Variants in DMD observed in about 807,000 individuals in gnomAD.
The protein encoded by DMD is dystrophin.
Under a neutral mutation model 330.1 loss-of-function variants are expected in DMD, and 63 were observed. That is an observed-to-expected ratio of 0.19 (90% confidence interval 0.16 to 0.24). The LOEUF (loss-of-function observed/expected upper bound fraction) is 0.24, where lower values mean the gene tolerates loss of function less well. Ranked by LOEUF, DMD falls within the 10% of genes least tolerant of loss-of-function variation. The pLI is 1.00. For missense variants in DMD, 3,344 were observed against 2,684.1 expected (o/e 1.25, Z -5.43); for synonymous variants, 1,223 against 959.8 (o/e 1.27, Z -5.07).
chrX:32,820,266 C>T (rs1392507910), intron 5 of DMD, among the ~76,000 whole-genome samples: 1 of 110,796 alleles, frequency 9.0e-6, no homozygotes, highest in Non-Finnish European at 1.9e-5. Context: ...GGTGAAACCC[C>T]ATCTCTACTG....
rs188907488 is a variant in DMD at position 32,090,948 on chromosome X, G to A, written c.6439-122434C>T. Among the ~76,000 whole-genome samples the A allele has an allele frequency of 3.6e-5, 4 of 111,738 alleles. No individual in the cohort carries two copies. In the East Asian group the frequency reaches 1.1e-3, roughly 32 times the overall value. Reference sequence around the variant, plus strand: ...CAGCAACGGATATTGCAAGAGAAAAGCATGCTCTGTCATTTTCCTATGATT... The same window carrying A: ...CAGCAACGGATATTGCAAGAGAAAAACATGCTCTGTCATTTTCCTATGATT... On this transcript the variant is annotated intron_variant, in intron 44 of 78. Coordinates refer to ENST00000357033, the MANE Select transcript of DMD (RefSeq NM_004006.3).
chrX:32,306,378 C>T (rs2097540241), intron 42 of DMD, among the ~76,000 whole-genome samples: 1 of 111,115 alleles, frequency 9.0e-6, no homozygotes, highest in Non-Finnish European at 1.9e-5. Context: ...GGCTTATAAG[C>T]TCACTACCAG....
chrX:33,066,058 T>TA (rs5902050), intron 1 of DMD, among the ~76,000 whole-genome samples: 1 of 98,386 alleles, frequency 1.0e-5, no homozygotes. Flanking sequence ...CCAAAGGATT[T>TA]AAAAAAAAAA....
At chrX:32,612,320 G>A (rs2057240468) in intron 12 of DMD, among the ~76,000 whole-genome samples, 1 of 111,655 alleles carries the variant, frequency 9.0e-6, no homozygotes, top group Admixed American at 9.5e-5. Context: ...GGCTGAAATG[G>A]TTCTGCACCA....
At chrX:33,022,620 G>T (rs773923708) in intron 1 of DMD, among the ~76,000 whole-genome samples, 1 of 110,298 alleles carries the variant, frequency 9.1e-6, no homozygotes, top group South Asian at 3.8e-4. Flanking sequence ...TCATAAGTTT[G>T]TTTTAATTAT....
intron 51 of DMD, among the ~76,000 whole-genome samples, chrX:31,730,862 G>A (rs1480318314): frequency 9.0e-6 from 1 of 111,325 alleles, no homozygotes; most frequent in East Asian, 2.8e-4. Flanking sequence ...AAGATGAAGA[G>A]ATGAAAGTGG....
chrX:31,264,242 T>C (rs1208480485), intron 62 of DMD, among the ~76,000 whole-genome samples: 1 of 111,958 alleles, frequency 8.9e-6, no homozygotes, highest in African/African-American at 3.3e-5. Flanking sequence ...GCAGACGATA[T>C]AGAAAAACAC....
rs912386186 is a variant in DMD at position 32,032,145 on chromosome X, A to G, written c.6439-63631T>C. 4.5e-5 allele frequency among the ~76,000 whole-genome samples: 5 copies of G among 111,700 alleles called. No individual in the cohort carries two copies. The South Asian group carries it at 1.1e-3, about 25-fold the overall frequency. On this transcript the variant is annotated intron_variant, in intron 44 of 78. Transcript: ENST00000357033. ...GACCGAAAGATTTTATACAACTAAA[A>G]TAAAATTAAATTGATTGAAGATATA...
chrX:33,199,414 C>A (rs1340333997), intron 1 of DMD, among the ~76,000 whole-genome samples: 1 of 111,056 alleles, frequency 9.0e-6, no homozygotes, highest in African/African-American at 3.3e-5. Flanking sequence ...GCTTGTGAAA[C>A]TGGGTGAATG....
intron 44 of DMD, among the ~76,000 whole-genome samples, chrX:32,142,420 T>A (rs1023896143): frequency 2.7e-5 from 3 of 112,364 alleles, no homozygotes; most frequent in African/African-American, 9.7e-5. Flanking sequence ...TACTTGCACT[T>A]GCTGAGTCCC....
At chrX:31,679,077 C>T (rs1465800130) in intron 53 of DMD, among the ~76,000 whole-genome samples, 3 of 109,853 alleles carry the variant, frequency 2.7e-5, no homozygotes, top group Admixed American at 9.6e-5. Context: ...ATTAGCCAGG[C>T]GTGGTGGTAC....
chrX:32,697,327 C>CT (rs2063731987), intron 9 of DMD, among the ~76,000 whole-genome samples: 1 of 111,362 alleles, frequency 9.0e-6, no homozygotes, highest in Non-Finnish European at 1.9e-5. Context: ...CTTATAAATA[C>CT]TACAGAGCCT....
chrX:32,263,905 T>G (rs2097333672), intron 43 of DMD, among the ~76,000 whole-genome samples: 2 of 111,689 alleles, frequency 1.8e-5, no homozygotes, highest in Admixed American at 1.9e-4. Flanking sequence ...AAGGAAAAAA[T>G]GTAAATGAAA....
chrX:32,785,527 A>G (rs900814860), intron 7 of DMD, among the ~76,000 whole-genome samples: 1 of 111,382 alleles, frequency 9.0e-6, no homozygotes, highest in Non-Finnish European at 1.9e-5. Flanking sequence ...GAGTATTATC[A>G]TTTCTATTAT....
intron 7 of DMD, among the ~76,000 whole-genome samples, chrX:32,750,549 G>C (rs1461275886): frequency 9.0e-6 from 1 of 111,040 alleles, no homozygotes; most frequent in Non-Finnish European, 1.9e-5. Flanking sequence ...AAACCACAGA[G>C]AAGTGCATAT....
At chrX:32,662,614 C>T (rs1228937818) in intron 9 of DMD, among the ~76,000 whole-genome samples, 2 of 111,544 alleles carry the variant, frequency 1.8e-5, no homozygotes, top group Non-Finnish European at 3.8e-5. Flanking sequence ...TTATTTCTTC[C>T]ACTGCCCTAC....
At chrX:32,720,234 G>A (rs1298953478) in intron 7 of DMD, among the ~76,000 whole-genome samples, 2 of 110,443 alleles carry the variant, frequency 1.8e-5, no homozygotes, top group East Asian at 5.7e-4. Context: ...AATGGGAGGG[G>A]AAACAATATG....
At chrX:32,178,855 G>GTGTGTA (rs1360939191) in intron 44 of DMD, among the ~76,000 whole-genome samples, 1 of 107,940 alleles carries the variant, frequency 9.3e-6, no homozygotes, top group Non-Finnish European at 1.9e-5. Flanking sequence ...GTGTGTGTGT[G>GTGTGTA]TGTGTGTGTA....
At chrX:32,410,448 T>G (rs2098136981) in intron 30 of DMD, among the ~76,000 whole-genome samples, 1 of 112,235 alleles carries the variant, frequency 8.9e-6, no homozygotes. Flanking sequence ...TGCTATTGTG[T>G]ATACTGTTGC....
Sources: gnomAD v4.1 joint callset for allele counts (sites outside exome capture counted in the v4.1 genomes callset) on GRCh38, gnomAD v4.1.1 for gene constraint, MANE v1.5 for transcripts, NCBI Gene and HGNC (gene_info 2026-07-23, HGNC 2026-07-21) for gene names.